The following SLC4A5 variants were observed in gnomAD, a reference collection of about 807,000 sequenced individuals.
SLC4A5 encodes the protein electrogenic sodium bicarbonate cotransporter 4.
A neutral mutation model predicts 120.4 loss-of-function variants in SLC4A5; 96 were observed. The observed-to-expected ratio is 0.80, with a 90% CI of 0.68 to 0.94. The LOEUF (loss-of-function observed/expected upper bound fraction) is 0.94. Among genes scored for constraint, SLC4A5 ranks in the 40% least tolerant of loss-of-function variants. The pLI is 0.00. For missense variants in SLC4A5, 1,259 were observed against 1,459.5 expected, an observed-to-expected ratio of 0.86 and a Z score of 2.24; for synonymous variants, 550 against 571.1, an observed-to-expected ratio of 0.96 and a Z score of 0.53.
At chr2:74,325,372 C>A (rs1673194676) in intron 5 of SLC4A5, among the ~76,000 whole-genome samples, 1 of 152,186 alleles carries the variant, frequency 6.6e-6, no homozygotes, top group Non-Finnish European at 1.5e-5. Context: ...CTAGCTAAGA[C>A]CATTCCTGCT....
At chr2:74,328,788 G>C (rs1448659886) in intron 4 of SLC4A5, among the ~76,000 whole-genome samples, 2 of 152,176 alleles carry the variant, frequency 1.3e-5, no homozygotes, top group East Asian at 1.9e-4. Context: ...TTATCACATT[G>C]CAAGTACCTA....
intron 26 of SLC4A5, 73 bp from the exon 27 acceptor site, chr2:74,227,203 G>C (rs1362815148): frequency 2.7e-6 from 4 of 1,476,522 alleles, no homozygotes; most frequent in Non-Finnish European, 3.6e-6. Context: ...CTAGGGGAAG[G>C]GGTGCCTGGG....
chr2:74,285,002 T>C (rs541246944), intron 8 of SLC4A5, among the ~76,000 whole-genome samples: 3 of 152,304 alleles, frequency 2.0e-5, no homozygotes, highest in African/African-American at 4.8e-5. Flanking sequence ...TGCTTGTTAC[T>C]TTCCCTTTTA....
chr2:74,232,423 T>A, intron 24 of SLC4A5, 46 bp downstream of exon 24: 1 of 1,578,672 alleles, frequency 6.3e-7, no homozygotes, highest in Non-Finnish European at 8.6e-7. Context: ...CCTCCCCGAG[T>A]GGGCCCCTCC....
At chr2:74,289,067 T>C (rs1194145076) in intron 7 of SLC4A5, among the ~76,000 whole-genome samples, 2 of 152,202 alleles carry the variant, frequency 1.3e-5, no homozygotes, top group Non-Finnish European at 2.9e-5. Context: ...ATCACTGCAA[T>C]AGCCACCTAC....
intron 7 of SLC4A5, among the ~76,000 whole-genome samples, chr2:74,297,446 C>T (rs1672366485): frequency 6.6e-6 from 1 of 152,162 alleles, no homozygotes; most frequent in South Asian, 2.1e-4. Flanking sequence ...CAATTGGCCA[C>T]CCTGCAACAA....
intron 5 of SLC4A5, among the ~76,000 whole-genome samples, chr2:74,316,419 T>C (rs1276808580): frequency 1.4e-5 from 2 of 146,758 alleles, no homozygotes; most frequent in Non-Finnish European, 3.0e-5. Context: ...GCCAAGGGGA[T>C]CCCAGAGATA....
chr2:74,335,879 T>C (rs1357360019), intron 3 of SLC4A5, among the ~76,000 whole-genome samples: 1 of 152,110 alleles, frequency 6.6e-6, no homozygotes, highest in Non-Finnish European at 1.5e-5. Context: ...TATGCTTAAG[T>C]TCAGACATTT....
intron 27 of SLC4A5, among the ~76,000 whole-genome samples, chr2:74,226,668 T>G (rs939368900): frequency 6.6e-6 from 1 of 152,154 alleles, no homozygotes; most frequent in African/African-American, 2.4e-5. Flanking sequence ...CTGGTTGAAC[T>G]GATTTTCTTT....
intron 10 of SLC4A5, among the ~76,000 whole-genome samples, chr2:74,262,556 A>G (rs1295046507): frequency 6.6e-6 from 1 of 151,618 alleles, no homozygotes; most frequent in Non-Finnish European, 1.5e-5. Context: ...AAAAATAGCC[A>G]GGCATGGTGG....
chr2:74,216,613 T>C (rs1694452556), exon 31 of SLC4A5: 1 of 152,126 alleles, frequency 6.6e-6, no homozygotes, highest in South Asian at 2.1e-4. Context: ...TAAAAATTAA[T>C]TATTATTGTT....
At chr2:74,234,880 C>T (rs762986527) in intron 22 of SLC4A5, among the ~76,000 whole-genome samples, 2 of 152,200 alleles carry the variant, frequency 1.3e-5, no homozygotes, top group African/African-American at 4.8e-5. Flanking sequence ...TTCCTCACCT[C>T]GTGACTATAG....
chr2:74,309,541 T>C (rs553209251), intron 6 of SLC4A5, among the ~76,000 whole-genome samples: 1 of 152,202 alleles, frequency 6.6e-6, no homozygotes, highest in Non-Finnish European at 1.5e-5. Flanking sequence ...AGAATCAATA[T>C]GTCAGCATCC....
chr2:74,280,927 T>G (rs774919808), intron 8 of SLC4A5, among the ~76,000 whole-genome samples: 3 of 152,168 alleles, frequency 2.0e-5, no homozygotes, highest in Non-Finnish European at 4.4e-5. Context: ...CCTCAGGTGA[T>G]CCACCTGCTT....
At chr2:74,336,010 C>T (rs1232631355) in intron 3 of SLC4A5, among the ~76,000 whole-genome samples, 4 of 152,150 alleles carry the variant, frequency 2.6e-5, no homozygotes, top group Non-Finnish European at 5.9e-5. Flanking sequence ...GGGCTGACAG[C>T]TTTACATACC....
At chr2:74,338,482 A>G (rs1673547774) in intron 3 of SLC4A5, among the ~76,000 whole-genome samples, 1 of 152,234 alleles carries the variant, frequency 6.6e-6, no homozygotes, top group Non-Finnish European at 1.5e-5. Context: ...AGATAAGCAC[A>G]GCCTCGATGC....
chr2:74,303,855 T>TA (rs1558904478), intron 7 of SLC4A5, among the ~76,000 whole-genome samples: 4 of 150,866 alleles, frequency 2.7e-5, no homozygotes, highest in African/African-American at 9.8e-5. Flanking sequence ...ATTATTATTT[T>TA]TTTTTTTTTT....
chr2:74,255,333 C>T lies in SLC4A5; in HGVS notation c.1025+442G>A, dbSNP rs1195313698. Among the ~76,000 whole-genome samples the T allele has an allele frequency of 6.6e-6, 1 of 152,124 alleles. No individual in the cohort carries two copies. The highest frequency in any genetic ancestry group is 6.5e-5 in the Admixed American group (1 of 15,278). On this transcript the variant is annotated intron_variant, in intron 13 of 30. Coordinates refer to ENST00000394019, the Ensembl canonical transcript of SLC4A5. This position sits in a 1 kb window ranked among gnomAD's most constrained non-coding sequence, Gnocchi z 4.0. ...TCTGAGACGCAGTCTTGCTCTGTTG[C>T]CCAGGCTGGGGTGCAATAGCATGAT...
At chr2:74,262,174 G>T in exon 11 of SLC4A5, 1 of 1,613,904 alleles carries the variant, frequency 6.2e-7, no homozygotes, top group South Asian at 1.1e-5. Context: ...GCATCCGCAG[G>T]TCTTCCGTGG....
Sources: allele counts gnomAD v4.1 joint callset (sites outside exome capture counted in the v4.1 genomes callset), GRCh38; gene constraint gnomAD v4.1.1; non-coding constraint Gnocchi (gnomAD v3.1); transcripts MANE v1.5; gene names NCBI Gene and HGNC (gene_info 2026-07-23, HGNC 2026-07-21).